Variants in PRR14L observed in about 807,000 individuals in gnomAD.
PRR14L encodes protein PRR14L.
PRR14L carries 80 observed loss-of-function variants against 155.0 expected under a neutral mutation model. The ratio of observed to expected loss-of-function variants is 0.52; its 90% CI spans 0.43 to 0.62. The LOEUF (loss-of-function observed/expected upper bound fraction) is 0.62, where lower values mean the gene tolerates loss of function less well. Ranked by LOEUF, PRR14L falls within the 20% of genes least tolerant of loss-of-function variation. PRR14L has a pLI of 0.00. For synonymous variants in PRR14L, 883 were observed against 916.0 expected (o/e 0.96, Z 0.65); for missense variants, 2,469 against 2,548.0 (o/e 0.97, Z 0.67).
At chr22:31,726,671 C>T (rs2074718200) in intron 2 of PRR14L, among the ~76,000 whole-genome samples, 1 of 152,160 alleles carries the variant, frequency 6.6e-6, no homozygotes, top group Admixed American at 6.6e-5. Flanking sequence ...AGAATAGATG[C>T]TATTTAAAAT....
intron 8 of PRR14L, among the ~76,000 whole-genome samples, chr22:31,686,775 A>T (rs142173702): frequency 1.3e-5 from 2 of 152,218 alleles, no homozygotes; most frequent in African/African-American, 4.8e-5. Flanking sequence ...ATATTCCATT[A>T]TAAGGAATTA....
In PRR14L at chr22:31,696,227, C is replaced by T. The variant is rs952776074; in HGVS notation, c.6107+5429G>A. On this transcript the variant is annotated intron_variant, in intron 7 of 8. Coordinates refer to ENST00000327423, the MANE Select transcript of PRR14L (RefSeq NM_173566.3). ...TGCGATCTCGGCTCACTGCAACCAC[C>T]GCCTTTTGGGTTCAAGCGATTCTCC... Among the ~76,000 whole-genome samples the T allele has an allele frequency of 4.0e-5, 6 of 151,870 alleles. No homozygotes were observed. In the East Asian group the frequency reaches 5.8e-4, roughly 15 times the overall value.
Position 31,715,390 on chromosome 22 carries a change from C to CA in PRR14L, c.2448dup (p.Asp817Ter). ...TCATATTTTGTTATCAAAGAGTTAT[C>CA]AACTTGCAGGCTGATTTTGCTGGAC... On this transcript the variant is annotated frameshift_variant, in exon 4 of 9. Coordinates refer to ENST00000327423, the MANE Select transcript of PRR14L (RefSeq NM_173566.3). LOFTEE classifies it high-confidence loss of function. 1 of 1,552,238 alleles carries CA rather than the reference C, an allele frequency of 6.4e-7. No homozygotes were observed. The highest frequency in any genetic ancestry group is 8.7e-7 in the Non-Finnish European group (1 of 1,147,100).
intron 1 of PRR14L, among the ~76,000 whole-genome samples, chr22:31,748,678 T>C (rs532345825): frequency 4.6e-5 from 7 of 152,254 alleles, no homozygotes; most frequent in African/African-American, 1.7e-4. Context: ...AGATGGAAGA[T>C]TTTTTGTCAC....
intron 8 of PRR14L, among the ~76,000 whole-genome samples, chr22:31,687,150 G>A (rs959329044): frequency 1.3e-5 from 2 of 151,976 alleles, no homozygotes; most frequent in African/African-American, 4.8e-5. Flanking sequence ...CGGTTCTCCT[G>A]CCTCAGCCTC....
chr22:31,712,662 G>A lies in PRR14L; in HGVS notation c.5177C>T (p.Ser1726Phe), dbSNP rs1380472494. Reference sequence around the variant, plus strand: ...GGACTCAGTCGTGCAATCTGAGCTGGATGATTTCACATGAAAGGATACTGG... The same window carrying A: ...GGACTCAGTCGTGCAATCTGAGCTGAATGATTTCACATGAAAGGATACTGG... Reference protein sequence around the residue: ...IFPVSFHVKSSSSDCTTESSR... With the variant: ...IFPVSFHVKSFSSDCTTESSR... Residue 1726 changes from serine (S) to phenylalanine (F), a missense_variant, in exon 4 of 9, where the codon TCC becomes TTC. Ser to Phe is a radical substitution (Grantham distance 155, BLOSUM62 -2). Transcript: ENST00000327423. 6.4e-7 allele frequency: 1 copy of A among 1,551,752 alleles called. No homozygotes were observed. Among genetic ancestry groups the A allele is most frequent in the African/African-American group, 1.4e-5 (1 of 73,164 alleles).
intron 8 of PRR14L, 86 bp downstream of exon 8, chr22:31,688,070 T>A: frequency 1.8e-5 from 21 of 1,148,984 alleles, no homozygotes; most frequent in Non-Finnish European, 2.4e-5. Flanking sequence ...CAACTGAACA[T>A]AAACTCTTTC....
Position 31,683,931 on chromosome 22 carries a change from C to G in PRR14L, c.*1596G>C, listed in dbSNP as rs749564011. ...GACTGACTTGGAAATGTCCCTAGAA[C>G]TCTGACGGTTCCCATCGGCGGCTGC... On this transcript the variant is annotated 3_prime_UTR_variant, in exon 9 of 9. Transcript: ENST00000327423. The G allele has an allele frequency of 2.0e-5, 3 of 152,224 alleles. No individual in the cohort carries two copies. Among genetic ancestry groups the G allele is most frequent in the African/African-American group, 7.2e-5 (3 of 41,460 alleles). The allele number at this position is 152,224 out of a possible 1,614,324, so 9.4% of individuals were successfully genotyped here.
Position 31,725,520 on chromosome 22 carries a change from T to G in PRR14L, c.547+18A>C. The G allele has an allele frequency of 6.6e-7, 1 of 1,507,204 alleles. No homozygotes were observed. The highest frequency in any genetic ancestry group is 9.0e-7 in the Non-Finnish European group (1 of 1,106,890). The allele number at this position is 1,507,204 out of a possible 1,614,324, so 93.4% of individuals were successfully genotyped here. A position where few individuals can be genotyped will look rare whatever the true frequency, so the allele number is the denominator to read the frequency against. On this transcript the variant is annotated intron_variant, in intron 3 of 8. Transcript: ENST00000327423. ...TGCAGTAAGTGGATAAAGGAAGAGA[T>G]TTGAGAGAAATAAATACCTTTGCTC...
chr22:31,741,268 A>T (rs1355674911), intron 1 of PRR14L, among the ~76,000 whole-genome samples: 1 of 149,680 alleles, frequency 6.7e-6, no homozygotes, highest in East Asian at 2.0e-4. Context: ...AAAAAAAAAA[A>T]AAAAAAAAAA....
intron 7 of PRR14L, among the ~76,000 whole-genome samples, chr22:31,691,582 T>G (rs2074511938): frequency 6.6e-6 from 1 of 152,192 alleles, no homozygotes; most frequent in Admixed American, 6.5e-5. Flanking sequence ...GACTCTCCCC[T>G]GCCACCCAGC....
rs537981144 is a variant in PRR14L at position 31,712,732 on chromosome 22, A to G, written c.5107T>C (p.Leu1703=). 59 of 1,551,810 alleles carry G rather than the reference A, an allele frequency of 3.8e-5. No individual in the cohort carries two copies. In the African/African-American group the frequency reaches 4.4e-4, roughly 12 times the overall value. ...LESIKMTFID[L]SNKMPSLLFG... is the part of the protein sequence containing the mutation. The stretch of plus-strand genomic sequence containing the variant: ...AGCAGGGACGGCATCTTGTTGCTCA[A>G]ATCTATGAAGGTCATCTTGATGGAT... The change falls in exon 4 of 9, where the codon TTG becomes CTG. Residue 1703 remains leucine (L), a synonymous_variant. Coordinates refer to ENST00000327423, the MANE Select transcript of PRR14L (RefSeq NM_173566.3).
At chr22:31,706,428 C>CTTTTTTTTTTTTTTTTTTTTT (rs771902267) in intron 4 of PRR14L, among the ~76,000 whole-genome samples, 3 of 142,214 alleles carry the variant, frequency 2.1e-5, no homozygotes, top group Admixed American at 7.3e-5. Context: ...TAAACTCTTC[C>CTTTTTTTTTTTTTTTTTTTTT]TTTTTCTTTT....
chr22:31,688,923 C>CAA (rs1451854142), intron 7 of PRR14L, among the ~76,000 whole-genome samples: 5 of 151,328 alleles, frequency 3.3e-5, no homozygotes, highest in African/African-American at 9.8e-5. Flanking sequence ...CACACACACA[C>CAA]ACAAAAACCC....
rs2074634774 is a variant in PRR14L, at chr22:31,713,367, G to A, written c.4472C>T (p.Ala1491Val). 1 of 1,552,082 alleles carries A rather than the reference G, an allele frequency of 6.4e-7. No homozygotes were observed. Among genetic ancestry groups the A allele is most frequent in the Non-Finnish European group, 8.7e-7 (1 of 1,147,046 alleles). The change falls in exon 4 of 9, where the codon GCC becomes GTC. Residue 1491 changes from alanine (A) to valine (V), a missense_variant. Transcript: ENST00000327423. ...GGAGGGGTCTTGTGCTTTCCGAGGG[G>A]CACCAAGAAGGCAAGGACTTGTGCA... ...ESCTSPCLLG[A>V]PRKAQDPSSA...
At chr22:31,721,493 G>A (rs917274777) in intron 3 of PRR14L, among the ~76,000 whole-genome samples, 5 of 151,866 alleles carry the variant, frequency 3.3e-5, no homozygotes, top group Non-Finnish European at 5.9e-5. Context: ...GCGTGAACCC[G>A]GGAGGCGGAG....
chr22:31,711,667 C>A (rs1187817608), intron 4 of PRR14L, among the ~76,000 whole-genome samples: 2 of 150,698 alleles, frequency 1.3e-5, no homozygotes, highest in Non-Finnish European at 2.9e-5. Flanking sequence ...GCCTGTAATC[C>A]CAGCTACTCA....
At chr22:31,726,408 T>C (rs571593832) in intron 2 of PRR14L, among the ~76,000 whole-genome samples, 1 of 151,930 alleles carries the variant, frequency 6.6e-6, no homozygotes, top group African/African-American at 2.4e-5. Flanking sequence ...TGGGACTACA[T>C]GCGTGATCCA....
intron 7 of PRR14L, among the ~76,000 whole-genome samples, chr22:31,694,707 G>A (rs370541445): frequency 4.2e-4 from 64 of 151,600 alleles, no homozygotes; most frequent in South Asian, 4.0e-3. Context: ...AGCTGAGATC[G>A]GGCCACTGCA....
Sources: allele counts gnomAD v4.1 joint callset (sites outside exome capture counted in the v4.1 genomes callset), GRCh38; gene constraint gnomAD v4.1.1; transcripts MANE v1.5; gene names NCBI Gene and HGNC (gene_info 2026-07-23, HGNC 2026-07-21).